Variants in SORBS2 observed in about 807,000 individuals in gnomAD.
SORBS2 encodes sorbin and SH3 domain containing 2, also known as sorbin and SH3 domain-containing protein 2.
A neutral mutation model predicts 97.7 loss-of-function variants in SORBS2; 46 were observed. The observed-to-expected ratio is 0.47, with a 90% confidence interval of 0.37 to 0.60. The LOEUF (loss-of-function observed/expected upper bound fraction) is 0.60, where lower values mean the gene tolerates loss of function less well. Ranked by LOEUF, SORBS2 falls within the 20% of genes least tolerant of loss-of-function variation. SORBS2 has a pLI of 0.00. For missense variants in SORBS2, 1,316 were observed against 1,282.3 expected, an observed-to-expected ratio of 1.03 and a Z score of -0.40; for synonymous variants, 476 against 473.4, an observed-to-expected ratio of 1.01 and a Z score of -0.07.
At chr4:185,923,588 C>T (rs1474602706) in intron 1 of SORBS2, among the ~76,000 whole-genome samples, 2 of 149,862 alleles carry the variant, frequency 1.3e-5, no homozygotes, top group African/African-American at 2.5e-5. Flanking sequence ...TGTGAACCAC[C>T]GTGCCTGGCC....
At chr4:185,758,361 G>C (rs2098843459) in intron 2 of SORBS2, among the ~76,000 whole-genome samples, 1 of 151,986 alleles carries the variant, frequency 6.6e-6, no homozygotes, top group African/African-American at 2.4e-5. Flanking sequence ...TTCTTCTCTT[G>C]GCTGTCAGCA....
At chr4:185,667,314 G>A (rs546387694) in intron 4 of SORBS2, among the ~76,000 whole-genome samples, 3 of 152,244 alleles carry the variant, frequency 2.0e-5, no homozygotes, top group Non-Finnish European at 2.9e-5. Context: ...ACAATTTGGT[G>A]TTCTTTGGCA....
At chr4:185,729,611 CTG>C (rs2098597929) in intron 2 of SORBS2, among the ~76,000 whole-genome samples, 1 of 152,250 alleles carries the variant, frequency 6.6e-6, no homozygotes, top group Non-Finnish European at 1.5e-5. Context: ...AATTTCTACT[CTG>C]TGAAAGACAA....
At chr4:185,905,111 A>AAAAG (rs1216644377) in intron 1 of SORBS2, among the ~76,000 whole-genome samples, 15 of 151,710 alleles carry the variant, frequency 9.9e-5, no homozygotes, top group African/African-American at 1.9e-4. Flanking sequence ...TCAAAAAAAA[A>AAAAG]AAAGAAAGAA....
intron 2 of SORBS2, among the ~76,000 whole-genome samples, chr4:185,746,825 T>C (rs1296675110): frequency 6.6e-6 from 1 of 152,224 alleles, no homozygotes; most frequent in African/African-American, 2.4e-5. Context: ...CCACCAAATT[T>C]GTTGCAGCCT....
chr4:185,947,226 C>T (rs1158535212), intron 1 of SORBS2, among the ~76,000 whole-genome samples: 2 of 152,232 alleles, frequency 1.3e-5, no homozygotes, highest in South Asian at 2.1e-4. Context: ...AATCTCGCTG[C>T]CACAGTAATG....
chr4:185,827,007 C>A (rs1346928637), intron 1 of SORBS2, among the ~76,000 whole-genome samples: 3 of 149,786 alleles, frequency 2.0e-5, no homozygotes, highest in Non-Finnish European at 4.5e-5. Flanking sequence ...CCACCCCTGA[C>A]TACGTCATCA....
At chr4:185,727,776 A>T (rs1410492832) in intron 2 of SORBS2, among the ~76,000 whole-genome samples, 2 of 152,248 alleles carry the variant, frequency 1.3e-5, no homozygotes, top group Non-Finnish European at 2.9e-5. Context: ...CAAGATAAAC[A>T]GCTTGTTCAG....
At chr4:185,867,172 C>T (rs200778607) in intron 1 of SORBS2, among the ~76,000 whole-genome samples, 92 of 152,068 alleles carry the variant, frequency 6.0e-4, no homozygotes, top group Middle Eastern at 3.4e-3. Flanking sequence ...CCACCACACT[C>T]GGCTAATTTT....
intron 12 of SORBS2, among the ~76,000 whole-genome samples, chr4:185,603,390 G>GA (rs113829811): frequency 4.6e-5 from 7 of 151,904 alleles, no homozygotes; most frequent in Admixed American, 2.0e-4. Flanking sequence ...TGCCAGCTAA[G>GA]AAAAAAAACC....
chr4:185,783,211 T>C (rs2099039675), intron 1 of SORBS2, among the ~76,000 whole-genome samples: 1 of 152,186 alleles, frequency 6.6e-6, no homozygotes, highest in Non-Finnish European at 1.5e-5. Context: ...AACTATAGAT[T>C]CCTTATATCA....
At chr4:185,678,970 G>A (rs2097835143) in intron 2 of SORBS2, 148 bp from the exon 6 acceptor site, 3 of 433,240 alleles carry the variant, frequency 6.9e-6, no homozygotes, top group Non-Finnish European at 1.2e-5. Flanking sequence ...GCCAAAGGGA[G>A]GCTTGTACAT....
intron 2 of SORBS2, among the ~76,000 whole-genome samples, chr4:185,744,570 G>A (rs960162145): frequency 3.3e-5 from 5 of 152,202 alleles, no homozygotes; most frequent in Non-Finnish European, 7.3e-5. Context: ...ATGAAGTGAT[G>A]TTATCTTGCA....
intron 2 of SORBS2, among the ~76,000 whole-genome samples, chr4:185,685,471 T>C (rs1233275597): frequency 6.6e-6 from 1 of 152,182 alleles, no homozygotes; most frequent in Admixed American, 6.5e-5. Context: ...AAAATAAAAG[T>C]ATTGATATAT....
chr4:185,834,278 G>A (rs1290584405), intron 1 of SORBS2, among the ~76,000 whole-genome samples: 1 of 152,004 alleles, frequency 6.6e-6, no homozygotes, highest in Non-Finnish European at 1.5e-5. Flanking sequence ...CCGCCCCCGT[G>A]AGCCAATTAC....
intron 1 of SORBS2, among the ~76,000 whole-genome samples, chr4:185,922,291 A>G (rs1285479880): frequency 9.1e-6 from 1 of 110,142 alleles, no homozygotes; most frequent in East Asian, 3.0e-4. Context: ...TCTCTGTCCC[A>G]GCCCCTCATT....
intron 1 of SORBS2, among the ~76,000 whole-genome samples, chr4:185,827,103 C>T (rs186001696): frequency 0.013 from 1,896 of 141,996 alleles, 22 homozygotes; most frequent in Admixed American, 0.033. Flanking sequence ...TCATCATCAC[C>T]ATCATCGCCA....
chr4:185,667,280 C>T (rs371496270), intron 4 of SORBS2, among the ~76,000 whole-genome samples: 1 of 152,124 alleles, frequency 6.6e-6, no homozygotes, highest in African/African-American at 2.4e-5. Flanking sequence ...CTTAGAAATA[C>T]TGCCTAGTAA....
intron 2 of SORBS2, among the ~76,000 whole-genome samples, chr4:185,736,786 ACAT>A (rs1302668528): frequency 6.6e-6 from 1 of 152,168 alleles, no homozygotes; most frequent in East Asian, 1.9e-4. Flanking sequence ...GAGGGGAAAG[ACAT>A]CATCCACACA....
Sources: gnomAD v4.1 joint callset for allele counts (sites outside exome capture counted in the v4.1 genomes callset) on GRCh38, gnomAD v4.1.1 for gene constraint, MANE v1.5 for transcripts, NCBI Gene and HGNC (gene_info 2026-07-23, HGNC 2026-07-21) for gene names.